Variants in NID2 observed in about 807,000 individuals in gnomAD.
The protein encoded by NID2 is nidogen-2.
Under a neutral mutation model 145.4 loss-of-function variants are expected in NID2, and 83 were observed. The ratio of observed to expected loss-of-function variants is 0.57; its 90% CI spans 0.48 to 0.69. The LOEUF is 0.69. Ranked by LOEUF, NID2 falls within the 30% of genes least tolerant of loss-of-function variation. The pLI, the probability that NID2 is intolerant of heterozygous loss-of-function variation, is 0.00. For synonymous variants in NID2, 739 were observed against 701.3 expected (o/e 1.05, Z -0.85); for missense variants, 1,807 against 1,765.7 (o/e 1.02, Z -0.42).
rs1024248846 is a variant in NID2, at chr14:52,046,161, A to G, written c.1430-3230T>C. Among the ~76,000 whole-genome samples, 4 of 151,960 alleles carry G rather than the reference A, an allele frequency of 2.6e-5. No individual in the cohort carries two copies. The East Asian group carries it at 5.8e-4, about 22-fold the overall frequency. ...ACACGGTGAAACCCCGTCTCTACTA[A>G]AAATACAAAAAATTAGCCAGGCGTG... On this transcript the variant is annotated intron_variant, in intron 5 of 21. Coordinates refer to ENST00000216286, the MANE Select transcript of NID2 (RefSeq NM_007361.4).
intron 12 of NID2, among the ~76,000 whole-genome samples, chr14:52,025,489 C>A (rs1241234846): frequency 6.6e-6 from 1 of 152,154 alleles, no homozygotes; most frequent in East Asian, 1.9e-4. Flanking sequence ...CTGTATTAGT[C>A]AATTTCCTGT....
chr14:52,012,803 T>G (rs1891082706), intron 16 of NID2, among the ~76,000 whole-genome samples: 1 of 152,220 alleles, frequency 6.6e-6, no homozygotes, highest in African/African-American at 2.4e-5. Flanking sequence ...CAATCCAGGC[T>G]CCTGCTCTGA....
intron 2 of NID2, among the ~76,000 whole-genome samples, chr14:52,065,451 CCTTT>C (rs1486021622): frequency 2.3e-5 from 3 of 128,360 alleles, no homozygotes; most frequent in South Asian, 2.6e-4. Flanking sequence ...ACAGAATCCT[CCTTT>C]CTTTTTTTTT....
In NID2 at chr14:52,040,723, C is replaced by T. The variant is rs1892249855; in HGVS notation, c.1954G>A (p.Val652Met). 6.2e-7 allele frequency: 1 copy of T among 1,614,118 alleles called. No individual in the cohort carries two copies. Among genetic ancestry groups the T allele is most frequent in the Non-Finnish European group, 8.5e-7 (1 of 1,180,032 alleles). Residue 652 changes from valine to methionine, a missense_variant, in exon 8 of 22, where the codon GTG (valine) becomes ATG (methionine). Coordinates refer to ENST00000216286, the MANE Select transcript of NID2 (RefSeq NM_007361.4). The stretch of plus-strand genomic sequence containing the variant: ...GTGAAATTTGCTGAGACGTAAGGCA[C>T]CTGGCCTTGAATGTTGGTCTTAATG... ...LSIKTNIQGQ[V>M]PYVSANFTAH... is the part of the protein sequence containing the mutation.
At chr14:52,009,154 C>T (rs191816109) in intron 18 of NID2, 6 of 152,282 alleles carry the variant, frequency 3.9e-5, no homozygotes, top group Admixed American at 6.5e-5. Context: ...CCCTTATGCC[C>T]AACAGATGAA....
chr14:52,039,181 C>T (rs948941180), intron 8 of NID2, among the ~76,000 whole-genome samples: 4 of 152,158 alleles, frequency 2.6e-5, no homozygotes, highest in African/African-American at 9.7e-5. Context: ...GAAGGCACTA[C>T]AATTGTCCAT....
chr14:52,050,695 A>T (rs1466297371), intron 5 of NID2, among the ~76,000 whole-genome samples: 1 of 151,826 alleles, frequency 6.6e-6, no homozygotes, highest in Non-Finnish European at 1.5e-5. Flanking sequence ...GTAGCCTGGA[A>T]CTCTTGGGCT....
rs1241669102 is a variant in NID2 at position 52,051,328 on chromosome 14, G to A, written c.1429+2251C>T. On this transcript the variant is annotated intron_variant, in intron 5 of 21. Coordinates refer to ENST00000216286, the MANE Select transcript of NID2 (RefSeq NM_007361.4). ...AGGGTGCTTCCCAAGCTCAATTTCA[G>A]TTCTTGCAAGTATATGACGAGGTCT... Among the ~76,000 whole-genome samples, 3 of 152,186 alleles carry A rather than the reference G, an allele frequency of 2.0e-5. No homozygotes were observed. The South Asian group carries it at 6.2e-4, about 32-fold the overall frequency.
chr14:52,019,263 T>C lies in NID2; in HGVS notation c.2826A>G (p.Gln942=), dbSNP rs757378542. ...DSTSSLTPCE[Q]QQRHAQAQYA... Reference sequence around the variant, plus strand: ...ACTGGGCCTGGGCATGGCGCTGCTGTTGTTCACAGGGTGTCAGGCTTGAGG... The same window carrying C: ...ACTGGGCCTGGGCATGGCGCTGCTGCTGTTCACAGGGTGTCAGGCTTGAGG... The change falls in exon 14 of 22, where the codon CAA becomes CAG. Residue 942 remains glutamine, a synonymous_variant. Coordinates refer to ENST00000216286, the MANE Select transcript of NID2 (RefSeq NM_007361.4). The C allele has an allele frequency of 4.4e-6, 7 of 1,600,806 alleles. No homozygotes were observed. In the South Asian group the frequency reaches 5.5e-5, roughly 13 times the overall value.
Position 52,030,493 on chromosome 14 carries a change from G to GA in NID2, c.2258-804dup, listed in dbSNP as rs1349640381. Among the ~76,000 whole-genome samples, 71 of 34,524 alleles carry GA rather than the reference G, an allele frequency of 2.1e-3. 1 individual carries two copies. Among genetic ancestry groups the GA allele is most frequent in the Non-Finnish European group, 3.3e-3 (41 of 12,294 alleles). The allele number at this position is 34,524 out of a possible 152,430, so 22.6% of individuals were successfully genotyped here. On this transcript the variant is annotated intron_variant, in intron 9 of 21. Transcript: ENST00000216286. ...TCTCGAGAGAAAGAAAAGAAAGAAA[G>GA]AAAGAAAGAGAAAGAAAGAAAGAAA... is the stretch of plus-strand genomic sequence containing the variant.
intron 12 of NID2, among the ~76,000 whole-genome samples, chr14:52,022,204 A>G (rs1891425925): frequency 6.6e-6 from 1 of 152,182 alleles, no homozygotes; most frequent in Admixed American, 6.5e-5. Flanking sequence ...TTCTGACTCA[A>G]TCTGAAAGAC....
chr14:52,014,939 CTTCT>C, intron 15 of NID2, 111 bp downstream of exon 15: 1 of 827,078 alleles, frequency 1.2e-6, no homozygotes, highest in Non-Finnish European at 2.0e-6. Flanking sequence ...CACATAGTGA[CTTCT>C]TTCATTAGAC....
rs898391761 is a variant in NID2, at chr14:52,068,981, C to T, written c.14G>A (p.Arg5Gln). The change falls in exon 1 of 22, where the codon CGG becomes CAG. Residue 5 changes from arginine to glutamine, a missense_variant. Arg to Gln is a conservative substitution (Grantham distance 43). Transcript: ENST00000216286. MEGD[R>Q]VAGRPVLSSL... ...CGACAGCACCGGCCGCCCGGCCACC[C>T]GGTCCCCCTCCATGCTCGCTCGGCC... is the stretch of plus-strand genomic sequence containing the variant. The T allele has an allele frequency of 1.9e-6, 3 of 1,611,252 alleles. No homozygotes were observed. Among genetic ancestry groups the T allele is most frequent in the Non-Finnish European group, 1.7e-6 (2 of 1,179,140 alleles).
At chr14:52,033,762 G>A (rs976278692) in intron 9 of NID2, among the ~76,000 whole-genome samples, 7 of 152,116 alleles carry the variant, frequency 4.6e-5, no homozygotes, top group Non-Finnish European at 8.8e-5. Context: ...ACTGCTGTGT[G>A]TGGATGAAGT....
chr14:52,067,403 G>GA (rs1893256269), intron 2 of NID2, among the ~76,000 whole-genome samples: 1 of 152,120 alleles, frequency 6.6e-6, no homozygotes. Context: ...ATATGCAGAA[G>GA]AAAAAACTCT....
At chr14:52,045,630 AGTTT>A (rs1162242277) in intron 5 of NID2, among the ~76,000 whole-genome samples, 1 of 151,790 alleles carries the variant, frequency 6.6e-6, no homozygotes, top group Non-Finnish European at 1.5e-5. Flanking sequence ...ACTGTCTATT[AGTTT>A]AAGAAAGGGA....
intron 2 of NID2, among the ~76,000 whole-genome samples, chr14:52,067,066 T>C (rs1893242029): frequency 6.6e-6 from 1 of 152,238 alleles, no homozygotes. Flanking sequence ...AAGTGCATCC[T>C]CTCTGACCTA....
At chr14:52,017,884 T>C (rs1329136150) in intron 14 of NID2, among the ~76,000 whole-genome samples, 1 of 152,124 alleles carries the variant, frequency 6.6e-6, no homozygotes, top group Non-Finnish European at 1.5e-5. Flanking sequence ...AGTGGCATGA[T>C]CTTGGCCTAC....
intron 9 of NID2, among the ~76,000 whole-genome samples, chr14:52,032,479 T>C (rs1891902710): frequency 6.6e-6 from 1 of 152,184 alleles, no homozygotes; most frequent in African/African-American, 2.4e-5. Context: ...CCGAGTTAAC[T>C]TGAGCCTAGA....
Sources: allele counts gnomAD v4.1 joint callset (sites outside exome capture counted in the v4.1 genomes callset), GRCh38; gene constraint gnomAD v4.1.1; transcripts MANE v1.5; gene names NCBI Gene and HGNC (gene_info 2026-07-23, HGNC 2026-07-21).